NKAIN3: variants seen among roughly 807,000 people sequenced by gnomAD.
The protein encoded by NKAIN3 is sodium/potassium-transporting ATPase subunit beta-1-interacting protein 3.
Under a neutral mutation model 30.2 loss-of-function variants are expected in NKAIN3, and 25 were observed. That is an observed-to-expected ratio of 0.83 (90% confidence interval 0.60 to 1.16). NKAIN3 has a LOEUF of 1.16. NKAIN3 is among the 50% of genes most tolerant of loss of function. The pLI is 0.00. For missense variants in NKAIN3, 225 were observed against 254.1 expected, an observed-to-expected ratio of 0.89 and a Z score of 0.78; for synonymous variants, 91 against 89.6, an observed-to-expected ratio of 1.02 and a Z score of -0.09.
chr8:62,498,324 C>T (rs914710708), intron 1 of NKAIN3, among the ~76,000 whole-genome samples: 11 of 151,982 alleles, frequency 7.2e-5, no homozygotes, highest in African/African-American at 2.4e-4. Flanking sequence ...CCTCAGACCC[C>T]CTATTGAAAT....
intron 1 of NKAIN3, among the ~76,000 whole-genome samples, chr8:62,511,592 A>G (rs1807815587): frequency 6.6e-6 from 1 of 152,202 alleles, no homozygotes; most frequent in South Asian, 2.1e-4. Context: ...AAAGGCCCTG[A>G]CATTTCATAC....
rs141340495 is a variant in NKAIN3, at chr8:62,746,147, G to C, written c.274-785G>C. On this transcript the variant is annotated intron_variant, in intron 3 of 6. Transcript: ENST00000623646. Reference sequence around the variant, plus strand: ...AAACTCTCTCTGAAGCTTTAGAGGAGAATTCTTCCTGGCGTCTTCCCACTT... The same window carrying C: ...AAACTCTCTCTGAAGCTTTAGAGGACAATTCTTCCTGGCGTCTTCCCACTT... Among the ~76,000 whole-genome samples the C allele has an allele frequency of 2.7e-3, 418 of 152,334 alleles. 3 individuals carry two copies. Among genetic ancestry groups the C allele is most frequent in the African/African-American group, 9.7e-3 (403 of 41,574 alleles).
chr8:62,950,666 AAAAGAAAAG>A (rs1381301884), intron 5 of NKAIN3, among the ~76,000 whole-genome samples: 1 of 152,220 alleles, frequency 6.6e-6, no homozygotes, highest in Admixed American at 6.5e-5. Context: ...AATTTAAAAA[AAAAGAAAAG>A]AAAAAACACA....
intron 1 of NKAIN3, among the ~76,000 whole-genome samples, chr8:62,552,145 C>A (rs183560543): frequency 9.9e-5 from 15 of 152,252 alleles, no homozygotes; most frequent in South Asian, 2.1e-4. Context: ...ATTGTTTGAG[C>A]TACATTTACA....
At chr8:62,798,916 T>TG (rs1817961160) in intron 4 of NKAIN3, among the ~76,000 whole-genome samples, 1 of 152,104 alleles carries the variant, frequency 6.6e-6, no homozygotes, top group African/African-American at 2.4e-5. Flanking sequence ...ATGGAAGAAC[T>TG]GGACTATAAT....
At chr8:62,963,548 C>T (rs938323964) in intron 6 of NKAIN3, among the ~76,000 whole-genome samples, 1 of 152,204 alleles carries the variant, frequency 6.6e-6, no homozygotes, top group African/African-American at 2.4e-5. Flanking sequence ...GTTGCCTTAT[C>T]CTCACTCTTG....
chr8:62,269,665 T>C (rs1041474956), intron 1 of NKAIN3, among the ~76,000 whole-genome samples: 1 of 152,194 alleles, frequency 6.6e-6, no homozygotes, highest in Admixed American at 6.5e-5. Context: ...GTATTACTTA[T>C]TAAACTATGT....
chr8:62,712,087 G>A (rs962945969), intron 3 of NKAIN3, among the ~76,000 whole-genome samples: 1 of 152,166 alleles, frequency 6.6e-6, no homozygotes, highest in Non-Finnish European at 1.5e-5. Context: ...CCTGTGATGT[G>A]AACCATCTAT....
chr8:62,369,346 C>G (rs1358004355), intron 1 of NKAIN3, among the ~76,000 whole-genome samples: 1 of 152,056 alleles, frequency 6.6e-6, no homozygotes, highest in Non-Finnish European at 1.5e-5. Flanking sequence ...TTTGATTCTG[C>G]ATAACAGGTT....
At chr8:62,460,073 C>T (rs1212369749) in intron 1 of NKAIN3, among the ~76,000 whole-genome samples, 1 of 152,104 alleles carries the variant, frequency 6.6e-6, no homozygotes, top group Non-Finnish European at 1.5e-5. Flanking sequence ...GCCAGTGAAA[C>T]GGTGGAGTAA....
rs1822086923 is a variant in NKAIN3, at chr8:62,915,937, T to C, written c.472-2516T>C. On this transcript the variant is annotated intron_variant, in intron 4 of 6. Coordinates refer to ENST00000623646, the MANE Select transcript of NKAIN3 (RefSeq NM_001304533.3). Reference sequence around the variant, plus strand: ...CAAAATAAAAAACATAAATGGCTAATAAAATATGAAAATACATCAGATGAA... The same window carrying C: ...CAAAATAAAAAACATAAATGGCTAACAAAATATGAAAATACATCAGATGAA... Among the ~76,000 whole-genome samples, 4 of 152,182 alleles carry C rather than the reference T, an allele frequency of 2.6e-5. No homozygotes were observed. The South Asian group carries it at 8.3e-4, about 32-fold the overall frequency.
At chr8:62,799,911 G>C (rs1018594193) in intron 4 of NKAIN3, among the ~76,000 whole-genome samples, 8 of 152,232 alleles carry the variant, frequency 5.3e-5, no homozygotes. Flanking sequence ...CAACCTGGGT[G>C]GAATTGGAGG....
chr8:62,608,262 A>G (rs1159266243), intron 3 of NKAIN3, among the ~76,000 whole-genome samples: 2 of 152,124 alleles, frequency 1.3e-5, no homozygotes, highest in African/African-American at 4.8e-5. Context: ...ACATTGATAA[A>G]TTGGTTTTGG....
intron 4 of NKAIN3, among the ~76,000 whole-genome samples, chr8:62,866,265 A>G (rs1261052259): frequency 6.6e-6 from 1 of 152,188 alleles, no homozygotes; most frequent in Non-Finnish European, 1.5e-5. Flanking sequence ...AAAAAGCATG[A>G]TCATGCTTGT....
Position 62,953,970 on chromosome 8 carries a change from C to A in NKAIN3, c.601C>A (p.Pro201Thr). The A allele has an allele frequency of 1.0e-6, 1 of 966,392 alleles. No homozygotes were observed. Among genetic ancestry groups the A allele is most frequent in the Non-Finnish European group, 1.2e-6 (1 of 812,178 alleles). The allele number at this position is 966,392 out of a possible 1,614,324, so 59.9% of individuals were successfully genotyped here. A position where few individuals can be genotyped will look rare whatever the true frequency, so the allele number is the denominator to read the frequency against. Residue 201 changes from proline (P) to threonine (T), a missense_variant and splice_region_variant, in exon 6 of 7, where the codon CCA becomes ACA. Physicochemically the swap from Pro to Thr is conservative, Grantham distance 38 (BLOSUM62 -1). Transcript: ENST00000623646. ...TCATGTTGAGTTAAAGCCTGTTAAACCAGTAAGTAAAGGTGTGATGATATG... is the reference window on the plus strand; with the variant it reads ...TCATGTTGAGTTAAAGCCTGTTAAAACAGTAAGTAAAGGTGTGATGATATG... Reference protein sequence around the residue: ...QDHVELKPVKPVEISNDIEPE... With the variant: ...QDHVELKPVKTVEISNDIEPE...
intron 4 of NKAIN3, among the ~76,000 whole-genome samples, chr8:62,765,489 G>T (rs1422906550): frequency 1.3e-5 from 2 of 152,092 alleles, no homozygotes; most frequent in African/African-American, 4.8e-5. Context: ...CTAGAAAGGT[G>T]CTCTTTCTTG....
intron 4 of NKAIN3, among the ~76,000 whole-genome samples, chr8:62,893,919 TAAAC>T (rs1398876987): frequency 6.6e-6 from 1 of 152,166 alleles, no homozygotes; most frequent in African/African-American, 2.4e-5. Flanking sequence ...AGAAAATTCT[TAAAC>T]AATCTTAATT....
chr8:62,594,803 T>C (rs1242837337), intron 3 of NKAIN3, among the ~76,000 whole-genome samples: 1 of 151,834 alleles, frequency 6.6e-6, no homozygotes, highest in Non-Finnish European at 1.5e-5. Context: ...CTTCCTCCCT[T>C]CCTTTCTTCC....
intron 1 of NKAIN3, among the ~76,000 whole-genome samples, chr8:62,448,281 G>A (rs146039273): frequency 6.6e-5 from 10 of 151,716 alleles, no homozygotes; most frequent in Non-Finnish European, 1.0e-4. Flanking sequence ...ACTACAAAGA[G>A]CTTCTTTTCA....
Sources: allele counts gnomAD v4.1 joint callset (sites outside exome capture counted in the v4.1 genomes callset), GRCh38; gene constraint gnomAD v4.1.1; transcripts MANE v1.5; gene names NCBI Gene and HGNC (gene_info 2026-07-23, HGNC 2026-07-21).